The following ZNF827 variants were observed in gnomAD, a reference collection of about 807,000 sequenced individuals.
ZNF827 encodes the protein zinc finger protein 827.
A neutral mutation model predicts 102.4 loss-of-function variants in ZNF827; 13 were observed. That is an observed-to-expected ratio of 0.13 (90% CI 0.08 to 0.20). The LOEUF (loss-of-function observed/expected upper bound fraction) is 0.20. ZNF827 is among the 10% of genes least tolerant of loss of function. The probability of loss-of-function intolerance (pLI) is 1.00; values close to 1 mark genes in which losing one functional copy is unlikely to be tolerated. For missense variants in ZNF827, 1,103 were observed against 1,344.4 expected, an observed-to-expected ratio of 0.82 and a Z score of 2.81; for synonymous variants, 523 against 536.2, an observed-to-expected ratio of 0.98 and a Z score of 0.34.
At chr4:145,767,126 GT>G (rs1304682997) in intron 11 of ZNF827, among the ~76,000 whole-genome samples, 1 of 152,198 alleles carries the variant, frequency 6.6e-6, no homozygotes, top group African/African-American at 2.4e-5. Flanking sequence ...AGACACAGTT[GT>G]TAGACTTCGC....
intron 8 of ZNF827, among the ~76,000 whole-genome samples, chr4:145,815,314 C>A (rs1345641912): frequency 1.3e-5 from 2 of 152,158 alleles, no homozygotes; most frequent in Non-Finnish European, 2.9e-5. Context: ...TAGTGAACAT[C>A]TTTTGTTTCT....
chr4:145,882,138 G>A (rs918353916), intron 4 of ZNF827, among the ~76,000 whole-genome samples: 2 of 152,122 alleles, frequency 1.3e-5, no homozygotes, highest in East Asian at 1.9e-4. Context: ...CTCCGCAGTC[G>A]GGTGAACACC....
intron 2 of ZNF827, among the ~76,000 whole-genome samples, chr4:145,900,841 A>G (rs1751354193): frequency 6.6e-6 from 1 of 152,098 alleles, no homozygotes; most frequent in Middle Eastern, 3.4e-3. Flanking sequence ...CTTGTTTCCT[A>G]ATTTTACCCA....
chr4:145,864,986 A>G (rs1449855349), intron 5 of ZNF827, among the ~76,000 whole-genome samples: 3 of 152,236 alleles, frequency 2.0e-5, no homozygotes, highest in Non-Finnish European at 1.5e-5. Context: ...ATACCAAATA[A>G]GCAAATAAGT....
intron 4 of ZNF827, among the ~76,000 whole-genome samples, chr4:145,884,858 ATT>A (rs1199383848): frequency 6.6e-6 from 1 of 152,040 alleles, no homozygotes; most frequent in Non-Finnish European, 1.5e-5. Flanking sequence ...TAAAAAAAGA[ATT>A]TTTTTTAAAA....
At chr4:145,919,906 G>A (rs1473480413) in intron 1 of ZNF827, among the ~76,000 whole-genome samples, 1 of 152,172 alleles carries the variant, frequency 6.6e-6, no homozygotes, top group East Asian at 1.9e-4. Flanking sequence ...GCATGAAACA[G>A]CATGGCAAAA....
chr4:145,855,283 C>T (rs1311291417), intron 5 of ZNF827, among the ~76,000 whole-genome samples: 1 of 152,198 alleles, frequency 6.6e-6, no homozygotes, highest in Non-Finnish European at 1.5e-5. Flanking sequence ...ATGCTGACAC[C>T]ATTCACTTTC....
At chr4:145,866,450 A>C (rs995242529) in intron 5 of ZNF827, among the ~76,000 whole-genome samples, 8 of 152,224 alleles carry the variant, frequency 5.3e-5, no homozygotes, top group Admixed American at 2.0e-4. Context: ...ATTCCTATAC[A>C]AGAAGCAATT....
intron 8 of ZNF827, among the ~76,000 whole-genome samples, chr4:145,782,796 T>C (rs985819227): frequency 4.6e-5 from 7 of 152,236 alleles, no homozygotes; most frequent in Non-Finnish European, 1.0e-4. Context: ...CAAAGTAGAC[T>C]GCTTGACTTT....
intron 8 of ZNF827, among the ~76,000 whole-genome samples, chr4:145,818,732 A>G (rs1237349715): frequency 6.6e-6 from 1 of 152,238 alleles, no homozygotes; most frequent in Non-Finnish European, 1.5e-5. Flanking sequence ...GCACACATTG[A>G]GACGTATCTT....
intron 5 of ZNF827, among the ~76,000 whole-genome samples, chr4:145,860,863 A>C (rs186873670): frequency 1.3e-5 from 2 of 152,254 alleles, no homozygotes; most frequent in Admixed American, 6.5e-5. Flanking sequence ...CCTAAAAGCC[A>C]TAAGAGAAAA....
At chr4:145,868,892 A>T (rs189511873) in intron 5 of ZNF827, among the ~76,000 whole-genome samples, 4 of 152,168 alleles carry the variant, frequency 2.6e-5, no homozygotes, top group Non-Finnish European at 5.9e-5. Context: ...GAGCTATGTG[A>T]CCTCTTTGAA....
intron 5 of ZNF827, among the ~76,000 whole-genome samples, chr4:145,863,919 C>T (rs756223533): frequency 1.1e-4 from 17 of 152,088 alleles, no homozygotes; most frequent in African/African-American, 3.4e-4. Flanking sequence ...ATGGGCCAGG[C>T]GCAGTGGCTC....
intron 5 of ZNF827, among the ~76,000 whole-genome samples, chr4:145,865,736 T>C (rs1452733893): frequency 6.6e-6 from 1 of 152,136 alleles, no homozygotes. Flanking sequence ...CCTGGACCTT[T>C]TGTGGTTCGC....
At chr4:145,833,527 C>G (rs887938188) in intron 7 of ZNF827, among the ~76,000 whole-genome samples, 2 of 152,054 alleles carry the variant, frequency 1.3e-5, no homozygotes, top group African/African-American at 4.8e-5. Flanking sequence ...GTCTCTACCC[C>G]TTCTCTGCTT....
At chr4:145,768,969 G>C (rs1234934425) in intron 11 of ZNF827, among the ~76,000 whole-genome samples, 9 of 133,082 alleles carry the variant, frequency 6.8e-5, no homozygotes, top group African/African-American at 2.5e-4. Context: ...CATCTAGAGT[G>C]TAAAATTATT....
chr4:145,878,667 G>A (rs988932529), intron 4 of ZNF827, among the ~76,000 whole-genome samples: 4 of 140,638 alleles, frequency 2.8e-5, no homozygotes, highest in Admixed American at 7.1e-5. Flanking sequence ...AAGGGAGAGA[G>A]AGAAAGGAAG....
chr4:145,840,094 C>G (rs1283691233), intron 7 of ZNF827, among the ~76,000 whole-genome samples: 1 of 152,192 alleles, frequency 6.6e-6, no homozygotes, highest in African/African-American at 2.4e-5. Flanking sequence ...GAAGGAAAAA[C>G]AAATCCAAAT....
intron 1 of ZNF827, among the ~76,000 whole-genome samples, chr4:145,928,640 C>T (rs1753596295): frequency 6.6e-6 from 1 of 152,214 alleles, no homozygotes; most frequent in South Asian, 2.1e-4. Context: ...CAGATAACTG[C>T]AGTAACTCGC....
Sources: gnomAD v4.1 joint callset for allele counts (sites outside exome capture counted in the v4.1 genomes callset) on GRCh38, gnomAD v4.1.1 for gene constraint, MANE v1.5 for transcripts, NCBI Gene and HGNC (gene_info 2026-07-23, HGNC 2026-07-21) for gene names.